The following DPP10 variants were observed in gnomAD, a reference collection of about 807,000 sequenced individuals.
DPP10 encodes inactive dipeptidyl peptidase 10.
Under a neutral mutation model 120.9 loss-of-function variants are expected in DPP10, and 33 were observed. The observed-to-expected ratio is 0.27, with a 90% CI of 0.21 to 0.37. DPP10 has a LOEUF of 0.37. Ranked by LOEUF, DPP10 falls within the 10% of genes least tolerant of loss-of-function variation. The probability of loss-of-function intolerance (pLI) is 1.00; values close to 1 mark genes in which losing one functional copy is unlikely to be tolerated. For missense variants in DPP10, 816 were observed against 942.8 expected, an observed-to-expected ratio of 0.87 and a Z score of 1.76; for synonymous variants, 337 against 326.1, an observed-to-expected ratio of 1.03 and a Z score of -0.36.
chr2:114,739,465 C>A (rs926056717), intron 1 of DPP10, among the ~76,000 whole-genome samples: 5 of 152,222 alleles, frequency 3.3e-5, no homozygotes, highest in Non-Finnish European at 7.4e-5. Flanking sequence ...TCAAGACAAG[C>A]CTTCCCAACA....
At chr2:114,522,499 T>C (rs1232403555) in intron 1 of DPP10, among the ~76,000 whole-genome samples, 1 of 152,068 alleles carries the variant, frequency 6.6e-6, no homozygotes, top group Non-Finnish European at 1.5e-5. Flanking sequence ...GAGATAGGAC[T>C]AAAAAAACAC....
chr2:115,635,588 T>G (rs1254737750), intron 5 of DPP10, among the ~76,000 whole-genome samples: 2 of 152,136 alleles, frequency 1.3e-5, no homozygotes, highest in African/African-American at 2.4e-5. Flanking sequence ...TTCTTCAAGT[T>G]TGCAGGCAAC....
intron 1 of DPP10, among the ~76,000 whole-genome samples, chr2:114,563,827 GA>G (rs1315128257): frequency 1.3e-5 from 2 of 152,178 alleles, no homozygotes; most frequent in Non-Finnish European, 2.9e-5. Context: ...GTGAGGAAAA[GA>G]AATGTGTCTT....
At chr2:115,289,523 A>AG (rs2060567445) in intron 1 of DPP10, among the ~76,000 whole-genome samples, 1 of 151,324 alleles carries the variant, frequency 6.6e-6, no homozygotes, top group African/African-American at 2.4e-5. Flanking sequence ...AGAAAAGAAA[A>AG]AAGAGCCTAA....
At chr2:115,057,031 T>TC in intron 1 of DPP10, among the ~76,000 whole-genome samples, 1 of 152,200 alleles carries the variant, frequency 6.6e-6, no homozygotes, top group African/African-American at 2.4e-5. Context: ...GAGAACTATT[T>TC]CCCCACTCCC....
At chr2:115,124,336 T>G (rs1440146746) in intron 1 of DPP10, among the ~76,000 whole-genome samples, 1 of 152,206 alleles carries the variant, frequency 6.6e-6, no homozygotes, top group Non-Finnish European at 1.5e-5. Context: ...ACGTGAGCAT[T>G]CTTGATTCAC....
intron 1 of DPP10, among the ~76,000 whole-genome samples, chr2:114,831,679 A>G (rs1435479693): frequency 6.6e-6 from 1 of 152,094 alleles, no homozygotes. Context: ...AACCTCATCA[A>G]AAGAAGAGAT....
intron 1 of DPP10, among the ~76,000 whole-genome samples, chr2:114,755,695 C>T (rs1679666092): frequency 1.3e-5 from 2 of 152,132 alleles, no homozygotes; most frequent in Non-Finnish European, 1.5e-5. Context: ...TAAAGTGGAG[C>T]CAACTTTCAG....
At chr2:114,830,351 T>C (rs1686986003) in intron 1 of DPP10, among the ~76,000 whole-genome samples, 1 of 152,154 alleles carries the variant, frequency 6.6e-6, no homozygotes, top group African/African-American at 2.4e-5. Context: ...ATGTTTCCCA[T>C]CCTCTGTTCT....
chr2:114,499,334 G>A (rs549407591), intron 1 of DPP10, among the ~76,000 whole-genome samples: 1 of 152,202 alleles, frequency 6.6e-6, no homozygotes, highest in Non-Finnish European at 1.5e-5. Context: ...CTGTTAGAAT[G>A]TGTAGATGCA....
intron 1 of DPP10, among the ~76,000 whole-genome samples, chr2:114,625,320 G>C (rs1402573679): frequency 6.6e-6 from 1 of 151,916 alleles, no homozygotes; most frequent in African/African-American, 2.4e-5. Context: ...TCAGTTGTTG[G>C]TTAGATCTAG....
At chr2:114,532,695 G>A (rs919320372) in intron 1 of DPP10, among the ~76,000 whole-genome samples, 32 of 152,160 alleles carry the variant, frequency 2.1e-4, no homozygotes, top group African/African-American at 7.0e-4. Context: ...TTGAATAGCT[G>A]TGTAAGAAAA....
At chr2:115,064,788 G>A in intron 1 of DPP10, 1 of 1,304,270 alleles carries the variant, frequency 7.7e-7, no homozygotes, top group Non-Finnish European at 1.0e-6. Context: ...TGAGGGACCA[G>A]TAGATGGTTC....
At chr2:114,927,866 A>G (rs1448760534) in intron 1 of DPP10, among the ~76,000 whole-genome samples, 1 of 152,200 alleles carries the variant, frequency 6.6e-6, no homozygotes, top group African/African-American at 2.4e-5. Flanking sequence ...GGCAGAAGGC[A>G]AAGGGGAGCC....
intron 2 of DPP10, among the ~76,000 whole-genome samples, chr2:115,333,636 C>T (rs1362829516): frequency 6.6e-6 from 1 of 152,140 alleles, no homozygotes; most frequent in Non-Finnish European, 1.5e-5. Context: ...CAAAATCTCT[C>T]AGCATTTGCT....
intron 1 of DPP10, among the ~76,000 whole-genome samples, chr2:114,956,217 CG>C (rs777156510): frequency 3.3e-5 from 5 of 151,980 alleles, no homozygotes; most frequent in Non-Finnish European, 7.4e-5. Flanking sequence ...ACCACAAAAC[CG>C]TCAGAACTAG....
intron 2 of DPP10, among the ~76,000 whole-genome samples, chr2:115,325,574 A>G (rs982631710): frequency 6.6e-6 from 1 of 152,164 alleles, no homozygotes; most frequent in Non-Finnish European, 1.5e-5. Flanking sequence ...GCTTTGGGGC[A>G]TTTGAATTGC....
At position 114,542,091 on chromosome 2, in the gene DPP10, A is replaced by G. The variant is rs1687007452; in HGVS notation, c.60+99253A>G. On this transcript the variant is annotated intron_variant, in intron 1 of 25. Coordinates refer to ENST00000410059, the MANE Select transcript of DPP10 (RefSeq NM_020868.6). ...GAGATGGAGTCTCACTCTGTCTCCA[A>G]GGCTGGAGTGCAGTGGCGCGATCTT... Among the ~76,000 whole-genome samples, 3 of 144,556 alleles carry G rather than the reference A, an allele frequency of 2.1e-5. No individual in the cohort carries two copies. The South Asian group carries it at 6.6e-4, about 32-fold the overall frequency. The allele number at this position is 144,556 out of a possible 152,430, so 94.8% of individuals were successfully genotyped here. A position where few individuals can be genotyped will look rare whatever the true frequency, so the allele number is the denominator to read the frequency against.
intron 13 of DPP10, among the ~76,000 whole-genome samples, chr2:115,771,407 C>T (rs1681455914): frequency 6.6e-6 from 1 of 152,018 alleles, no homozygotes; most frequent in Non-Finnish European, 1.5e-5. Flanking sequence ...GTTTATTCAT[C>T]ATTAAAGTTA....
Sources: gnomAD v4.1 joint callset for allele counts (sites outside exome capture counted in the v4.1 genomes callset) on GRCh38, gnomAD v4.1.1 for gene constraint, MANE v1.5 for transcripts, NCBI Gene and HGNC (gene_info 2026-07-23, HGNC 2026-07-21) for gene names.